The following ZNF761 variants were observed in gnomAD, a reference collection of about 807,000 sequenced individuals.
The protein encoded by ZNF761 is zinc finger protein 761.
ZNF761 carries 43 observed loss-of-function variants against 59.9 expected under a neutral mutation model. That is an observed-to-expected ratio of 0.72 (90% CI 0.56 to 0.92). The LOEUF is 0.92. ZNF761 is among the 40% of genes least tolerant of loss of function. The pLI is 0.00. For synonymous variants in ZNF761, 294 were observed against 304.8 expected, an observed-to-expected ratio of 0.96 and a Z score of 0.37; for missense variants, 850 against 906.1, an observed-to-expected ratio of 0.94 and a Z score of 0.79.
intron 1 of ZNF761, among the ~76,000 whole-genome samples, chr19:53,438,873 C>G (rs535037178): frequency 6.6e-6 from 1 of 152,296 alleles, no homozygotes; most frequent in South Asian, 2.1e-4. Flanking sequence ...TAACACTCCT[C>G]TCAGGTTGGG....
In ZNF761 at chr19:53,456,531, CATATTTT is replaced by C; in HGVS notation, c.2029_2035del (p.Phe677AlafsTer94). On this transcript the variant is annotated frameshift_variant, in exon 5 of 5. Transcript: ENST00000684525. LOFTEE classifies it high-confidence loss of function. ...TGTGGCAAGACCTTTAGTCGGAAGT[CATATTTT>C]ATATGCCATCATAGACTTCATACTG... The C allele has an allele frequency of 6.2e-7, 1 of 1,612,106 alleles. No individual in the cohort carries two copies. Among genetic ancestry groups the C allele is most frequent in the Non-Finnish European group, 8.5e-7 (1 of 1,178,744 alleles).
chr19:53,439,978 T>C (rs951523978), intron 1 of ZNF761, among the ~76,000 whole-genome samples: 4 of 152,120 alleles, frequency 2.6e-5, no homozygotes, highest in African/African-American at 9.7e-5. Flanking sequence ...TTTAGCTAAC[T>C]GAAATAATGA....
chr19:53,449,398 T>A (rs1568810534), intron 3 of ZNF761, 114 bp from the exon 4 acceptor site: 1 of 1,607,392 alleles, frequency 6.2e-7, no homozygotes, highest in South Asian at 1.1e-5. Flanking sequence ...TTACTCAGAT[T>A]TGTTAGAACA....
chr19:53,456,063 A>G lies in ZNF761; in HGVS notation c.1556A>G (p.Glu519Gly). ...TGCCATCATAGACTTCATACTGGAG[A>G]GAAAGCTTACAAGTGTAATGAGTGC... ...LTCHHRLHTGEKAYKCNECGK... is the reference protein window; with the variant it reads ...LTCHHRLHTGGKAYKCNECGK... The change falls in exon 5 of 5, where the codon GAG (glutamate) becomes GGG (glycine). Residue 519 changes from glutamate to glycine, a missense_variant. Glu to Gly is a moderately conservative substitution (Grantham distance 98, BLOSUM62 -2). Transcript: ENST00000684525. 1 of 1,598,206 alleles carries G rather than the reference A, an allele frequency of 6.3e-7. No individual in the cohort carries two copies. Among genetic ancestry groups the G allele is most frequent in the Non-Finnish European group, 8.6e-7 (1 of 1,168,568 alleles).
At position 53,455,959 on chromosome 19, in the gene ZNF761, T is replaced by C. The variant is rs751975954; in HGVS notation, c.1452T>C (p.His484=). The change falls in exon 5 of 5, where the codon CAT becomes CAC. Residue 484 remains histidine (H), a synonymous_variant. Transcript: ENST00000684525. ...AFRFKSNLER[H]RRIHTGEKPY... is the part of the protein sequence containing the mutation. ...GTTTCAAATCAAACCTTGAAAGACA[T>C]AGGAGAATTCATACTGGAGAGAAAC... 8 of 1,613,312 alleles carry C rather than the reference T, an allele frequency of 5.0e-6. No homozygotes were observed. The Admixed American group carries it at 1.2e-4, about 24-fold the overall frequency.
In ZNF761 at chr19:53,454,827, A is replaced by G. The variant is rs1401884167; in HGVS notation, c.320A>G (p.Asn107Ser). The change falls in exon 5 of 5, where the codon AAT becomes AGT. Residue 107 changes from asparagine to serine, a missense_variant. Coordinates refer to ENST00000684525, the MANE Select transcript of ZNF761 (RefSeq NM_001289951.2). The stretch of plus-strand genomic sequence containing the variant: ...TTTCAATGGCAAGAAGATGAAAGAA[A>G]TGGCCATGAAGCACCCATGACAAAA... ...YEFQWQEDER[N>S]GHEAPMTKIK... is the part of the protein sequence containing the mutation. 6.2e-7 allele frequency: 1 copy of G among 1,614,194 alleles called. No individual in the cohort carries two copies. The highest frequency in any genetic ancestry group is 1.1e-5 in the South Asian group (1 of 91,074).
intron 4 of ZNF761, among the ~76,000 whole-genome samples, chr19:53,450,863 A>G (rs1216848146): frequency 1.3e-5 from 2 of 151,964 alleles, no homozygotes; most frequent in Non-Finnish European, 2.9e-5. Context: ...GGACACTGTG[A>G]TGGGCGCCTG....
intron 3 of ZNF761, among the ~76,000 whole-genome samples, chr19:53,448,433 C>T (rs11084254): frequency 0.12 from 17,677 of 152,228 alleles, 1,545 homozygotes; most frequent in African/African-American, 0.23. Context: ...TTCCCTGTCA[C>T]GTCCTCCACC....
At chr19:53,434,092 G>T (rs1481437732) in intron 1 of ZNF761, among the ~76,000 whole-genome samples, 3 of 152,214 alleles carry the variant, frequency 2.0e-5, no homozygotes, top group Admixed American at 6.5e-5. Context: ...TGCATTTGCT[G>T]TTTCATTAGT....
At chr19:53,437,780 T>C (rs931741416) in intron 1 of ZNF761, among the ~76,000 whole-genome samples, 1 of 152,176 alleles carries the variant, frequency 6.6e-6, no homozygotes, top group Non-Finnish European at 1.5e-5. Context: ...CCTTTCTCTT[T>C]ATATATAGTT....
In ZNF761 at chr19:53,456,601, C is replaced by T. The variant is rs534529711; in HGVS notation, c.2094C>T (p.Asn698=). ...KPYKCNECGK[N]FSQKSSLICH... Reference sequence around the variant, plus strand: ...ATAAGTGTAATGAGTGTGGCAAGAACTTTAGTCAGAAGTCATCCCTTATAT... The same window carrying T: ...ATAAGTGTAATGAGTGTGGCAAGAATTTTAGTCAGAAGTCATCCCTTATAT... Residue 698 remains asparagine (N), a synonymous_variant, in exon 5 of 5, where the codon AAC becomes AAT. Coordinates refer to ENST00000684525, the MANE Select transcript of ZNF761 (RefSeq NM_001289951.2). 1 of 1,612,640 alleles carries T rather than the reference C, an allele frequency of 6.2e-7. No homozygotes were observed. Among genetic ancestry groups the T allele is most frequent in the South Asian group, 1.1e-5 (1 of 90,998 alleles).
chr19:53,453,331 T>C (rs1179344431), intron 4 of ZNF761, among the ~76,000 whole-genome samples: 3 of 152,198 alleles, frequency 2.0e-5, no homozygotes, highest in Non-Finnish European at 4.4e-5. Context: ...TGTGCACTTC[T>C]TTGACCTCAT....
At position 53,442,776 on chromosome 19, in the gene ZNF761, C is replaced by G. The variant is rs149324925; in HGVS notation, c.-184-3451C>G. The G allele has an allele frequency of 5.2e-3, 1,906 of 364,062 alleles. 63 individuals carry two copies. The highest frequency in any genetic ancestry group is 0.041 in the African/African-American group (1,745 of 42,526). 22.6% of individuals were successfully genotyped at this position (364,062 alleles called of 1,614,324 possible). A position where few individuals can be genotyped will look rare whatever the true frequency, so the allele number is the denominator to read the frequency against. ...CCTCTTTTTCACCAAACTGTCTCTG[C>G]CTCTTCCTGGAGATTCCAGCTGGGC... On this transcript the variant is annotated intron_variant, in intron 1 of 4. Transcript: ENST00000684525.
chr19:53,445,341 C>T (rs2086145535), intron 1 of ZNF761: 1 of 152,106 alleles, frequency 6.6e-6, no homozygotes, highest in Non-Finnish European at 1.5e-5. Flanking sequence ...TTCTTTAGCC[C>T]AGGCCTGTGA....
chr19:53,443,124 A>G (rs2086117654), intron 1 of ZNF761: 1 of 182,704 alleles, frequency 5.5e-6, no homozygotes, highest in Admixed American at 5.9e-5. Context: ...ACCTAATACA[A>G]AAGTTTGATT....
chr19:53,432,249 A>G (rs2085978406), intron 1 of ZNF761, among the ~76,000 whole-genome samples: 1 of 152,024 alleles, frequency 6.6e-6, no homozygotes, highest in Admixed American at 6.5e-5. Context: ...AGGGCAATGT[A>G]TACACTTTCT....
At position 53,437,456 on chromosome 19, in the gene ZNF761, T is replaced by C. The variant is rs1269170366; in HGVS notation, c.-185+5428T>C. On this transcript the variant is annotated intron_variant, in intron 1 of 4. Transcript: ENST00000684525. ...CTAGTCTCCTATAGAAGAACTTCTT[T>C]TACTTTCTTTTCATACATTTTATAT... Among the ~76,000 whole-genome samples, 7 of 152,346 alleles carry C rather than the reference T, an allele frequency of 4.6e-5. No individual in the cohort carries two copies. The East Asian group carries it at 1.3e-3, about 29-fold the overall frequency.
chr19:53,456,503 G>C lies in ZNF761; in HGVS notation c.1996G>C (p.Glu666Gln). 1 of 1,613,370 alleles carries C rather than the reference G, an allele frequency of 6.2e-7. No homozygotes were observed. Among genetic ancestry groups the C allele is most frequent in the Non-Finnish European group, 8.5e-7 (1 of 1,179,546 alleles). Residue 666 changes from glutamate to glutamine, a missense_variant, in exon 5 of 5, where the codon GAG (glutamate) becomes CAG (glutamine). Transcript: ENST00000684525. ...TGGAGAGAAACCTTACAAGTGTAAT[G>C]AGTGTGGCAAGACCTTTAGTCGGAA... ...HTGEKPYKCN[E>Q]CGKTFSRKSY...
At chr19:53,452,249 G>A (rs1269417716) in intron 4 of ZNF761, among the ~76,000 whole-genome samples, 1 of 152,152 alleles carries the variant, frequency 6.6e-6, no homozygotes, top group Non-Finnish European at 1.5e-5. Flanking sequence ...TTGGGAGGCT[G>A]AGAGGGGCAG....
Sources: gnomAD v4.1 joint callset for allele counts (sites outside exome capture counted in the v4.1 genomes callset) on GRCh38, gnomAD v4.1.1 for gene constraint, MANE v1.5 for transcripts, NCBI Gene and HGNC (gene_info 2026-07-23, HGNC 2026-07-21) for gene names.